MCC: variants seen among roughly 807,000 people sequenced by gnomAD.
MCC encodes colorectal mutant cancer protein.
MCC carries 90 observed loss-of-function variants against 116.2 expected under a neutral mutation model. That is an observed-to-expected ratio of 0.77 (90% CI 0.65 to 0.92). MCC has a LOEUF of 0.92. MCC is among the 40% of genes least tolerant of loss of function. MCC has a pLI of 0.00. For synonymous variants in MCC, 578 were observed against 510.5 expected (o/e 1.13, Z -1.78); for missense variants, 1,516 against 1,312.2 (o/e 1.16, Z -2.40).
intron 2 of MCC, among the ~76,000 whole-genome samples, chr5:113,365,889 A>C (rs1768675331): frequency 6.6e-6 from 1 of 152,216 alleles, no homozygotes; most frequent in South Asian, 2.1e-4. Flanking sequence ...CTCACTCACT[A>C]TACAGTACCA....
intron 3 of MCC, among the ~76,000 whole-genome samples, chr5:113,317,483 A>AT (rs924429308): frequency 9.8e-4 from 149 of 152,334 alleles, no homozygotes; most frequent in African/African-American, 3.4e-3. Context: ...CATCACTAAA[A>AT]TTCATACAGG....
At chr5:113,108,070 C>G (rs541015883) in intron 6 of MCC, among the ~76,000 whole-genome samples, 1 of 152,084 alleles carries the variant, frequency 6.6e-6, no homozygotes, top group Non-Finnish European at 1.5e-5. Flanking sequence ...AGAGGCCAGG[C>G]GCAGTGGCTC....
intron 6 of MCC, among the ~76,000 whole-genome samples, chr5:113,109,426 C>G (rs1271158113): frequency 6.6e-6 from 1 of 152,032 alleles, no homozygotes; most frequent in Non-Finnish European, 1.5e-5. Flanking sequence ...CAAATATTTC[C>G]ACTAATACAA....
chr5:113,040,812 G>A lies in MCC; in HGVS notation c.2756+2718C>T, dbSNP rs562424667. On this transcript the variant is annotated intron_variant, in intron 17 of 18. Coordinates refer to ENST00000408903, the MANE Select transcript of MCC (RefSeq NM_001085377.2). ...TAGAAATCCATGCTAACCAACTTAA[G>A]GCTGGTTATTGGAAATCCATTGTGA... Among the ~76,000 whole-genome samples the A allele has an allele frequency of 2.8e-4, 43 of 152,298 alleles. 1 individual carries two copies. The South Asian group carries it at 6.2e-3, about 22-fold the overall frequency.
chr5:113,243,250 G>C (rs548255651), intron 3 of MCC, among the ~76,000 whole-genome samples: 10 of 152,154 alleles, frequency 6.6e-5, no homozygotes, highest in Non-Finnish European at 1.0e-4. Flanking sequence ...CCCTCTTCTG[G>C]TAATGAATCA....
chr5:113,155,353 C>T (rs569097957), intron 3 of MCC, among the ~76,000 whole-genome samples: 63 of 152,318 alleles, frequency 4.1e-4, no homozygotes, highest in African/African-American at 1.5e-3. Flanking sequence ...CATGGGGATA[C>T]AGGTGTTCCT....
chr5:113,430,242 G>A (rs1770592688), intron 1 of MCC, among the ~76,000 whole-genome samples: 1 of 152,194 alleles, frequency 6.6e-6, no homozygotes, highest in Non-Finnish European at 1.5e-5. Flanking sequence ...CATAAGTTTT[G>A]TTAACATGAA....
At chr5:113,181,170 T>A (rs1424659965) in intron 3 of MCC, among the ~76,000 whole-genome samples, 1 of 152,198 alleles carries the variant, frequency 6.6e-6, no homozygotes, top group Non-Finnish European at 1.5e-5. Flanking sequence ...TGAATTTTGA[T>A]GGGAAGCTTT....
At chr5:113,381,483 T>C (rs1769117767) in intron 2 of MCC, among the ~76,000 whole-genome samples, 1 of 152,128 alleles carries the variant, frequency 6.6e-6, no homozygotes, top group Non-Finnish European at 1.5e-5. Flanking sequence ...GGTACAAAAC[T>C]AGTATTTAAA....
intron 3 of MCC, among the ~76,000 whole-genome samples, chr5:113,254,599 G>A (rs1024013154): frequency 6.6e-6 from 1 of 152,184 alleles, no homozygotes; most frequent in African/African-American, 2.4e-5. Context: ...AGTATGCCAT[G>A]ATCCTAAGCC....
chr5:113,343,073 T>C (rs1768052706), intron 2 of MCC, among the ~76,000 whole-genome samples: 1 of 152,232 alleles, frequency 6.6e-6, no homozygotes, highest in African/African-American at 2.4e-5. Context: ...CTCTATAATT[T>C]ACTTGAGAAT....
chr5:113,264,020 C>T (rs563470626), intron 3 of MCC, among the ~76,000 whole-genome samples: 2 of 151,948 alleles, frequency 1.3e-5, no homozygotes, highest in Non-Finnish European at 2.9e-5. Context: ...TCTTTAATTC[C>T]TCATTTTACA....
intron 3 of MCC, among the ~76,000 whole-genome samples, chr5:113,272,411 G>A (rs1375117708): frequency 6.6e-6 from 1 of 152,132 alleles, no homozygotes; most frequent in African/African-American, 2.4e-5. Flanking sequence ...CAGGTTGATA[G>A]GCTCTCCTTT....
At chr5:113,369,958 A>G (rs1385595709) in intron 2 of MCC, among the ~76,000 whole-genome samples, 3 of 152,206 alleles carry the variant, frequency 2.0e-5, no homozygotes, top group African/African-American at 7.2e-5. Context: ...CATACACAGT[A>G]TGAATGACTG....
rs761587568 is a variant in MCC at position 113,101,994 on chromosome 5, AG to A, written c.1192-50del. The A allele has an allele frequency of 1.9e-6, 3 of 1,578,350 alleles. No individual in the cohort carries two copies. In the East Asian group the frequency reaches 6.7e-5, roughly 35 times the overall value. On this transcript the variant is annotated intron_variant, in intron 7 of 18. Transcript: ENST00000408903. ...AAGTCAAGTAAGTTACCTTGGAGAA[AG>A]GGGATAGGAAGAAAATAGGCTGAAC...
At chr5:113,043,235 A>G (rs1391360006) in intron 17 of MCC, among the ~76,000 whole-genome samples, 2 of 152,268 alleles carry the variant, frequency 1.3e-5, no homozygotes, top group Non-Finnish European at 2.9e-5. Context: ...TCACTAGTTA[A>G]CACTGTCCCG....
intron 1 of MCC, among the ~76,000 whole-genome samples, chr5:113,421,662 C>T (rs1770340236): frequency 6.6e-6 from 1 of 152,212 alleles, no homozygotes; most frequent in South Asian, 2.1e-4. Context: ...CCCAGACTCT[C>T]TTCCTGTGAC....
At chr5:113,457,158 C>T (rs934644349) in intron 1 of MCC, among the ~76,000 whole-genome samples, 1 of 152,132 alleles carries the variant, frequency 6.6e-6, no homozygotes, top group Non-Finnish European at 1.5e-5. Context: ...GAGGCGGGAG[C>T]GGGAACCGGG....
chr5:113,334,392 G>T (rs1767820067), intron 3 of MCC, among the ~76,000 whole-genome samples: 1 of 151,090 alleles, frequency 6.6e-6, no homozygotes, highest in South Asian at 2.1e-4. Context: ...ATTTTTTGTA[G>T]AGACATGGTT....
Sources: gnomAD v4.1 joint callset for allele counts (sites outside exome capture counted in the v4.1 genomes callset) on GRCh38, gnomAD v4.1.1 for gene constraint, MANE v1.5 for transcripts, NCBI Gene and HGNC (gene_info 2026-07-23, HGNC 2026-07-21) for gene names.